The following TMEM266 variants were observed in gnomAD, a reference collection of about 807,000 sequenced individuals.
TMEM266 encodes Hv1 related protein 1.
In TMEM266, 33 loss-of-function variants were observed where a neutral mutation model predicts 50.5. The ratio of observed to expected loss-of-function variants is 0.65; its 90% CI spans 0.50 to 0.87. The LOEUF (loss-of-function observed/expected upper bound fraction) is 0.87, where lower values mean the gene tolerates loss of function less well. TMEM266 is among the 40% of genes least tolerant of loss of function. The pLI is 0.00. For missense variants in TMEM266, 655 were observed against 695.1 expected (o/e 0.94, Z 0.65); for synonymous variants, 310 against 292.3 (o/e 1.06, Z -0.62).
chr15:76,061,280 A>G (rs138081922), intron 1 of TMEM266, among the ~76,000 whole-genome samples: 3 of 152,376 alleles, frequency 2.0e-5, no homozygotes, highest in African/African-American at 4.8e-5. Flanking sequence ...AAATGTTCAT[A>G]TGTACCAGGT....
intron 3 of TMEM266, 21 bp downstream of exon 3, chr15:76,137,916 G>T (rs1263035527): frequency 6.5e-7 from 1 of 1,537,694 alleles, no homozygotes; most frequent in Non-Finnish European, 8.7e-7. Flanking sequence ...GGACCATTGA[G>T]CTAGCTAAGA....
chr15:76,084,959 C>CTT (rs1388101806), intron 1 of TMEM266, among the ~76,000 whole-genome samples: 3 of 135,076 alleles, frequency 2.2e-5, no homozygotes, highest in African/African-American at 5.4e-5. Context: ...TTTCTTTTTC[C>CTT]TTTTTTTTTT....
At chr15:76,133,039 G>A (rs776279684) in intron 1 of TMEM266, among the ~76,000 whole-genome samples, 34 of 151,830 alleles carry the variant, frequency 2.2e-4, no homozygotes, top group Admixed American at 7.9e-4. Context: ...CTTAGGTGGA[G>A]GGTCACTTGA....
At chr15:76,079,273 A>G in intron 1 of TMEM266, among the ~76,000 whole-genome samples, 1 of 149,936 alleles carries the variant, frequency 6.7e-6, no homozygotes, top group Non-Finnish European at 1.5e-5. Context: ...GAATCGCTTG[A>G]ACCCCAGAGG....
Position 76,204,594 on chromosome 15 carries a change from G to C in TMEM266, c.*279G>C, listed in dbSNP as rs570383070. ...TTTACAAAAACCAGCCTGTGGCCCA[G>C]CTTCAGCAGGGTAGAGTGTGGGGGG... On this transcript the variant is annotated 3_prime_UTR_variant, in exon 11 of 11. Transcript: ENST00000388942. The C allele has an allele frequency of 3.5e-6, 1 of 284,932 alleles. No individual in the cohort carries two copies. The highest frequency in any genetic ancestry group is 2.2e-5 in the African/African-American group (1 of 46,170). 17.7% of individuals were successfully genotyped at this position (284,932 alleles called of 1,614,324 possible).
intron 3 of TMEM266, among the ~76,000 whole-genome samples, chr15:76,143,823 C>T (rs950040548): frequency 2.0e-5 from 3 of 152,196 alleles, no homozygotes; most frequent in Non-Finnish European, 2.9e-5. Flanking sequence ...ATTCCTATTA[C>T]TTAAATTAAT....
At chr15:76,126,087 A>G (rs2037419099) in intron 1 of TMEM266, among the ~76,000 whole-genome samples, 1 of 152,116 alleles carries the variant, frequency 6.6e-6, no homozygotes, top group Admixed American at 6.5e-5. Context: ...TGTGGAAAAC[A>G]GAGAACCTTG....
chr15:76,203,162 C>T (rs912307490), intron 10 of TMEM266, among the ~76,000 whole-genome samples: 6 of 151,662 alleles, frequency 4.0e-5, no homozygotes, highest in Non-Finnish European at 7.4e-5. Flanking sequence ...GATCATCCCA[C>T]CCCGCAGCCC....
At chr15:76,166,586 G>T (rs1442928438) in intron 5 of TMEM266, among the ~76,000 whole-genome samples, 1 of 152,190 alleles carries the variant, frequency 6.6e-6, no homozygotes, top group Non-Finnish European at 1.5e-5. Flanking sequence ...AGAGGCTCTG[G>T]GTGCGCTGTC....
chr15:76,116,570 C>T (rs772937952), intron 1 of TMEM266, among the ~76,000 whole-genome samples: 5 of 151,938 alleles, frequency 3.3e-5, no homozygotes, highest in African/African-American at 7.3e-5. Context: ...GTGGGGGTTG[C>T]GGACCACCTT....
chr15:76,103,146 A>G (rs151167964), intron 1 of TMEM266, among the ~76,000 whole-genome samples: 1 of 152,040 alleles, frequency 6.6e-6, no homozygotes, highest in African/African-American at 2.4e-5. Flanking sequence ...GCAGTGGTAC[A>G]ATTTGGGAGG....
At position 76,160,979 on chromosome 15, in the gene TMEM266, G is replaced by T. The variant is rs1056925181; in HGVS notation, c.456+811G>T. Among the ~76,000 whole-genome samples, 1 of 152,198 alleles carries T rather than the reference G, an allele frequency of 6.6e-6. No homozygotes were observed. Among genetic ancestry groups the T allele is most frequent in the African/African-American group, 2.4e-5 (1 of 41,450 alleles). On this transcript the variant is annotated intron_variant, in intron 5 of 10. Transcript: ENST00000388942. This position sits in a 1 kb window ranked among gnomAD's most constrained non-coding sequence, Gnocchi z 5.7. ...GTGAGACTCTGGCCTGCATCTGGGT[G>T]TGGGAGGAATTGGCTTGGTCCTGCT... is the stretch of plus-strand genomic sequence containing the variant.
intron 2 of TMEM266, 141 bp from the exon 3 acceptor site, chr15:76,137,566 C>G: frequency 1.2e-6 from 1 of 800,010 alleles, no homozygotes; most frequent in Non-Finnish European, 2.1e-6. Flanking sequence ...CCGCGGGTGG[C>G]CAGCAGGGAA....
At chr15:76,098,916 G>A (rs999599643) in intron 1 of TMEM266, among the ~76,000 whole-genome samples, 1 of 152,174 alleles carries the variant, frequency 6.6e-6, no homozygotes, top group East Asian at 1.9e-4. Context: ...AATGGTGGTC[G>A]CCCCTCCCCC....
intron 8 of TMEM266, among the ~76,000 whole-genome samples, chr15:76,188,287 G>A (rs2038518158): frequency 1.3e-5 from 2 of 152,190 alleles, no homozygotes; most frequent in South Asian, 4.1e-4. Flanking sequence ...AGAAGGGGAA[G>A]CAAACACGTC....
chr15:76,186,503 C>T lies in TMEM266; in HGVS notation c.769-5465C>T, dbSNP rs535116127. 1.4e-4 allele frequency among the ~76,000 whole-genome samples: 21 copies of T among 152,318 alleles called. No individual in the cohort carries two copies. In the East Asian group the frequency reaches 4.1e-3, roughly 29 times the overall value. On this transcript the variant is annotated intron_variant, in intron 8 of 10. Transcript: ENST00000388942. ...CAAGATGGACAGCTTCCAGTCACCC[C>T]ACACCCTCTGGGTGTGAAGCTTGCC...
intron 1 of TMEM266, among the ~76,000 whole-genome samples, chr15:76,081,527 A>C (rs1264045531): frequency 2.0e-5 from 3 of 152,238 alleles, no homozygotes; most frequent in Non-Finnish European, 2.9e-5. Context: ...GCCAATAAGA[A>C]GGGAACCAAA....
At chr15:76,181,699 C>G (rs1430303767) in intron 8 of TMEM266, among the ~76,000 whole-genome samples, 1 of 152,086 alleles carries the variant, frequency 6.6e-6, no homozygotes, top group Non-Finnish European at 1.5e-5. Flanking sequence ...GATGCCTTGT[C>G]TCTCTCTCTG....
chr15:76,134,740 G>A lies in TMEM266; in HGVS notation c.38+439G>A, dbSNP rs866032338. Among the ~76,000 whole-genome samples the A allele has an allele frequency of 1.3e-4, 20 of 152,336 alleles. No homozygotes were observed. In the Middle Eastern group the frequency reaches 0.017, roughly 130 times the overall value. On this transcript the variant is annotated intron_variant, in intron 2 of 10. Transcript: ENST00000388942. ...ACACCACACTGTCCTGGCCTATCTA[G>A]ATATGGGCCTGACTGCTCTGTCATC... is the stretch of plus-strand genomic sequence containing the variant.
Sources: gnomAD v4.1 joint callset for allele counts (sites outside exome capture counted in the v4.1 genomes callset) on GRCh38, gnomAD v4.1.1 for gene constraint, Gnocchi (gnomAD v3.1) non-coding constraint, MANE v1.5 for transcripts, NCBI Gene and HGNC (gene_info 2026-07-23, HGNC 2026-07-21) for gene names.